SYNRG: variants seen among roughly 807,000 people sequenced by gnomAD.
The protein encoded by SYNRG is AP1 gamma subunit binding protein 1.
In SYNRG, 37 loss-of-function variants were observed where a neutral mutation model predicts 130.9. The observed-to-expected ratio is 0.28, with a 90% confidence interval of 0.22 to 0.37. The LOEUF (loss-of-function observed/expected upper bound fraction) is 0.37. SYNRG is among the 10% of genes least tolerant of loss of function. SYNRG has a pLI of 1.00. For synonymous variants in SYNRG, 539 were observed against 568.1 expected (o/e 0.95, Z 0.73); for missense variants, 1,338 against 1,588.9 (o/e 0.84, Z 2.68).
chr17:37,607,270 C>A (rs957353597), intron 1 of SYNRG, among the ~76,000 whole-genome samples: 1 of 152,018 alleles, frequency 6.6e-6, no homozygotes, highest in Non-Finnish European at 1.5e-5. Context: ...GTCCATGGAC[C>A]AATGATACTC....
chr17:37,527,920 C>T (rs968130704), intron 19 of SYNRG, among the ~76,000 whole-genome samples: 2 of 152,152 alleles, frequency 1.3e-5, no homozygotes, highest in African/African-American at 4.8e-5. Context: ...TTAGCCCAAG[C>T]ATGACTACTG....
chr17:37,536,107 C>A lies in SYNRG; in HGVS notation c.3538G>T (p.Val1180Leu), dbSNP rs200138647. 1.5e-5 allele frequency: 24 copies of A among 1,612,588 alleles called. No homozygotes were observed. Among genetic ancestry groups the A allele is most frequent in the Non-Finnish European group, 2.0e-5 (23 of 1,179,362 alleles). ...YLLGVVEVYR[V>L]TKRVELGIKA... is the part of the protein sequence containing the mutation. ...ATCCCCAGCTCCACACGCTTGGTTA[C>A]CCTGTACACTTCAACAACACCTGAC... Residue 1180 changes from valine (V) to leucine (L), a missense_variant, in exon 19 of 22, where the codon GTA (valine) becomes TTA (leucine). By Grantham distance (32) the Val-to-Leu change is conservative (BLOSUM62 1). This residue lies in a region of SYNRG where 1,146 missense variants were observed against 1,342.3 expected (regional missense o/e 0.85). Coordinates refer to ENST00000612223, the MANE Select transcript of SYNRG (RefSeq NM_007247.6).
In SYNRG at chr17:37,600,359, A is replaced by G. The variant is rs764252365; in HGVS notation, c.118+4T>C. The G allele has an allele frequency of 6.2e-7, 1 of 1,602,246 alleles. No homozygotes were observed. The highest frequency in any genetic ancestry group is 2.2e-5 in the East Asian group (1 of 44,818). ...AAAAGTTCAAAACTTAAGCTCTCAC[A>G]TACCTTGAGGGGGTCTTATCCCACC... On this transcript the variant is annotated splice_donor_region_variant and intron_variant, in intron 2 of 21. Coordinates refer to ENST00000612223, the MANE Select transcript of SYNRG (RefSeq NM_007247.6).
In SYNRG at chr17:37,568,915, G is replaced by C. The variant is rs1380496591; in HGVS notation, c.1357C>G (p.Pro453Ala). The C allele has an allele frequency of 8.1e-6, 13 of 1,613,288 alleles. No homozygotes were observed. The highest frequency in any genetic ancestry group is 1.3e-5 in the African/African-American group (1 of 74,914). The change falls in exon 11 of 22, where the codon CCA (proline) becomes GCA (alanine). Residue 453 changes from proline (P) to alanine (A), a missense_variant. Physicochemically the swap from Pro to Ala is conservative, Grantham distance 27. Around this residue, in one of 3 missense-constraint regions of SYNRG, gnomAD observed 1,146 missense variants for 1,342.3 expected, o/e 0.85. Transcript: ENST00000612223. ...AAATCCTGGAAGTCATCTTCTTCTG[G>C]CTTTACTACCTAGGTTTATAAAGGT... ...PTYPANQVVKPEEDDFQDFQD... is the reference protein window; with the variant it reads ...PTYPANQVVKAEEDDFQDFQD...
rs2061564769 is a variant in SYNRG at position 37,584,656 on chromosome 17, T to C, written c.581A>G (p.Lys194Arg). The C allele has an allele frequency of 1.2e-6, 2 of 1,613,130 alleles. No homozygotes were observed. Among genetic ancestry groups the C allele is most frequent in the Non-Finnish European group, 1.7e-6 (2 of 1,179,314 alleles). ...ATGCCTCTTAAAACTACCTGGTTTC[T>C]TGGGGTGCGATGCTGGAGTAGGGTG... The part of the protein sequence containing the change: ...KMHPTPASHP[K>R]KPGPSLEEKF... The change falls in exon 6 of 22, where the codon AAG becomes AGG. Residue 194 changes from lysine to arginine, a missense_variant. Lys to Arg is a conservative substitution (Grantham distance 26, BLOSUM62 2). Around this residue, in one of 3 missense-constraint regions of SYNRG, gnomAD observed 1,146 missense variants for 1,342.3 expected, o/e 0.85. Coordinates refer to ENST00000612223, the MANE Select transcript of SYNRG (RefSeq NM_007247.6).
chr17:37,567,799 A>T (rs1164791795), intron 11 of SYNRG: 3 of 152,242 alleles, frequency 2.0e-5, no homozygotes, highest in African/African-American at 7.2e-5. Flanking sequence ...CAGAGGAGAC[A>T]TGGAATATGT....
intron 6 of SYNRG, 77 bp from the exon 7 acceptor site, chr17:37,577,690 A>AT: frequency 4.2e-6 from 4 of 944,884 alleles, no homozygotes; most frequent in South Asian, 1.7e-5. Flanking sequence ...CTCCACCCCC[A>AT]TATTCTTTTT....
In SYNRG at chr17:37,538,544, A is replaced by C. The variant is rs555788426; in HGVS notation, c.3421-124T>G. 8 of 650,242 alleles carry C rather than the reference A, an allele frequency of 1.2e-5. No homozygotes were observed. The South Asian group carries it at 1.6e-4, about 13-fold the overall frequency. 40.3% of individuals were successfully genotyped at this position (650,242 alleles called of 1,614,324 possible). On this transcript the variant is annotated intron_variant, in intron 17 of 21. Transcript: ENST00000612223. ...TCAAAAAATCTCATTTTATCCTTGA[A>C]GAAACAATCCTCCATTTCTCTGGAA... is the stretch of plus-strand genomic sequence containing the variant.
chr17:37,596,596 A>T (rs1037959041), intron 2 of SYNRG, among the ~76,000 whole-genome samples: 1 of 152,170 alleles, frequency 6.6e-6, no homozygotes, highest in African/African-American at 2.4e-5. Context: ...TATGCATATT[A>T]AAAAACAGTA....
intron 16 of SYNRG, 89 bp from the exon 17 acceptor site, chr17:37,539,334 T>C (rs1342843332): frequency 7.2e-7 from 1 of 1,395,508 alleles, no homozygotes; most frequent in Non-Finnish European, 1.0e-6. Context: ...CTTGGAGGAC[T>C]TTCCTTTTTA....
At position 37,583,695 on chromosome 17, in the gene SYNRG, T is replaced by C. The variant is rs140394432; in HGVS notation, c.589+953A>G. On this transcript the variant is annotated intron_variant, in intron 6 of 21. Coordinates refer to ENST00000612223, the MANE Select transcript of SYNRG (RefSeq NM_007247.6). Reference sequence around the variant, plus strand: ...ATAAAATGTCAAAACGTTGAATTTGTTTTTTGTTGTTTTTTGAGATGGAGT... The same window carrying C: ...ATAAAATGTCAAAACGTTGAATTTGCTTTTTGTTGTTTTTTGAGATGGAGT... Among the ~76,000 whole-genome samples the C allele has an allele frequency of 1.9e-3, 291 of 152,268 alleles. 4 individuals are homozygous for C. Among genetic ancestry groups the C allele is most frequent in the Non-Finnish European group, 5.7e-4 (39 of 68,022 alleles).
chr17:37,552,829 C>T (rs894480588), intron 14 of SYNRG, among the ~76,000 whole-genome samples: 4 of 152,222 alleles, frequency 2.6e-5, no homozygotes, highest in African/African-American at 9.6e-5. Flanking sequence ...GTGAGGTTCA[C>T]TTAGCAGTGA....
chr17:37,515,008 A>G lies in SYNRG; in HGVS notation c.*3932T>C, dbSNP rs1453624409. The G allele has an allele frequency of 6.6e-6, 1 of 152,220 alleles. No individual in the cohort carries two copies. Among genetic ancestry groups the G allele is most frequent in the Non-Finnish European group, 1.5e-5 (1 of 68,052 alleles). 9.4% of individuals were successfully genotyped at this position (152,220 alleles called of 1,614,324 possible). A position where few individuals can be genotyped will look rare whatever the true frequency, so the allele number is the denominator to read the frequency against. On this transcript the variant is annotated 3_prime_UTR_variant, in exon 22 of 22. Transcript: ENST00000612223. ...TTCCACATCACGCAGAAGACAACGCATTTCGCTAAGGGCCACAGCATTCAC... is the reference window on the plus strand; with the variant it reads ...TTCCACATCACGCAGAAGACAACGCGTTTCGCTAAGGGCCACAGCATTCAC...
intron 16 of SYNRG, 126 bp from the exon 17 acceptor site, chr17:37,539,371 T>A (rs2057516159): frequency 1.9e-6 from 2 of 1,042,382 alleles, no homozygotes; most frequent in Admixed American, 2.6e-5. Flanking sequence ...TCAAGCAGTT[T>A]ATGTTTTTTT....
chr17:37,517,372 T>C lies in SYNRG; in HGVS notation c.*1568A>G, dbSNP rs565769548. On this transcript the variant is annotated 3_prime_UTR_variant, in exon 22 of 22. Transcript: ENST00000612223. ...TGTTAGAAACACCCCACTAGCCTTG[T>C]GGTGGGCAAAAGCTCCAAAGGTGCC... 6.1e-4 allele frequency: 93 copies of C among 152,188 alleles called. No homozygotes were observed. Among genetic ancestry groups the C allele is most frequent in the African/African-American group, 2.2e-3 (92 of 41,526 alleles). 9.4% of individuals were successfully genotyped at this position (152,188 alleles called of 1,614,324 possible).
intron 20 of SYNRG, 24 bp from the exon 21 acceptor site, chr17:37,520,238 G>T: frequency 6.2e-7 from 1 of 1,614,098 alleles, no homozygotes; most frequent in Non-Finnish European, 8.5e-7. Context: ...GAAACCACAG[G>T]TCAACAACAT....
At chr17:37,609,197 G>A (rs1002225628) in intron 1 of SYNRG, 82 bp downstream of exon 1, 4 of 1,327,304 alleles carry the variant, frequency 3.0e-6, no homozygotes, top group Admixed American at 4.0e-5. Context: ...GATCAGGGCT[G>A]GAGAAAACTG....
In SYNRG at chr17:37,520,170, G is replaced by A; in HGVS notation, c.3813+9C>T. The A allele has an allele frequency of 1.2e-6, 2 of 1,614,092 alleles. No individual in the cohort carries two copies. Among genetic ancestry groups the A allele is most frequent in the Non-Finnish European group, 1.7e-6 (2 of 1,179,998 alleles). ...GGAGACGCTAAGATAAGGTGTAACTGGTTCATACTTTTTTAGGATGTTCTT... is the reference window on the plus strand; with the variant it reads ...GGAGACGCTAAGATAAGGTGTAACTAGTTCATACTTTTTTAGGATGTTCTT... On this transcript the variant is annotated intron_variant, in intron 21 of 21. Coordinates refer to ENST00000612223, the MANE Select transcript of SYNRG (RefSeq NM_007247.6).
At chr17:37,595,119 A>AAAC (rs771438159) in intron 3 of SYNRG, among the ~76,000 whole-genome samples, 1 of 152,348 alleles carries the variant, frequency 6.6e-6, no homozygotes, top group Non-Finnish European at 1.5e-5. Context: ...CATGAATTAA[A>AAAC]AACCTACACA....
Sources: allele counts gnomAD v4.1 joint callset (sites outside exome capture counted in the v4.1 genomes callset), GRCh38; gene constraint gnomAD v4.1.1; regional missense constraint gnomAD v4.1.1; transcripts MANE v1.5; gene names NCBI Gene and HGNC (gene_info 2026-07-23, HGNC 2026-07-21).